Variants in CADM3 observed in about 807,000 individuals in gnomAD.
CADM3 encodes cell adhesion molecule 3, also known as TSLC1-like 1.
CADM3 carries 11 observed loss-of-function variants against 44.9 expected under a neutral mutation model. The observed-to-expected ratio is 0.25, with a 90% confidence interval of 0.15 to 0.41. The LOEUF (loss-of-function observed/expected upper bound fraction) is 0.41. CADM3 is among the 10% of genes least tolerant of loss of function. CADM3 has a pLI of 1.00. For synonymous variants in CADM3, 207 were observed against 205.2 expected (o/e 1.01, Z -0.08); for missense variants, 426 against 512.0 (o/e 0.83, Z 1.62).
At chr1:159,173,013 C>T (rs1648878727) in intron 1 of CADM3, among the ~76,000 whole-genome samples, 1 of 151,958 alleles carries the variant, frequency 6.6e-6, no homozygotes, top group Non-Finnish European at 1.5e-5. Context: ...CCCCCCACCG[C>T]CCTGTCGGAA....
intron 1 of CADM3, 144 bp downstream of exon 1, chr1:159,171,997 T>A (rs1398773883): frequency 2.2e-6 from 1 of 446,198 alleles, no homozygotes; most frequent in African/African-American, 2.0e-5. Context: ...CCCTTGTGTC[T>A]GTCTCTGAGC....
chr1:159,187,412 C>T (rs1171737895), intron 1 of CADM3, among the ~76,000 whole-genome samples: 1 of 152,180 alleles, frequency 6.6e-6, no homozygotes, highest in Non-Finnish European at 1.5e-5. Context: ...CCCAAAGCAC[C>T]ATCAGAGGCA....
At chr1:159,177,626 C>T (rs1649075307) in intron 1 of CADM3, among the ~76,000 whole-genome samples, 1 of 152,116 alleles carries the variant, frequency 6.6e-6, no homozygotes, top group Admixed American at 6.5e-5. Context: ...TGGTTATGCT[C>T]CCCGACCTGT....
intron 8 of CADM3, among the ~76,000 whole-genome samples, chr1:159,200,374 A>C (rs1315446105): frequency 6.6e-6 from 1 of 151,984 alleles, no homozygotes; most frequent in Non-Finnish European, 1.5e-5. Flanking sequence ...CTCTGCTATT[A>C]ATTCTAGCCA....
intron 1 of CADM3, among the ~76,000 whole-genome samples, chr1:159,175,526 C>T (rs1348765223): frequency 2.6e-5 from 4 of 152,200 alleles, no homozygotes; most frequent in Non-Finnish European, 5.9e-5. Flanking sequence ...ATGAGGAAAA[C>T]ATATCAAAGG....
At position 159,193,968 on chromosome 1, in the gene CADM3, A is replaced by G. The variant is rs1649786188; in HGVS notation, c.619A>G (p.Ile207Val). ...TACCCGGGAGGATGATGGGGCGAGC[A>G]TCGTGTGCTCTGTGAACCATGAATC... ...QVTREDDGASIVCSVNHESLK... is the reference protein window; with the variant it reads ...QVTREDDGASVVCSVNHESLK... Residue 207 changes from isoleucine (I) to valine (V), a missense_variant, in exon 5 of 9, where the codon ATC (isoleucine) becomes GTC (valine). Physicochemically the swap from Ile to Val is conservative, Grantham distance 29. Coordinates refer to ENST00000368125, the MANE Select transcript of CADM3 (RefSeq NM_001127173.3). 9.3e-6 allele frequency: 15 copies of G among 1,614,194 alleles called. No individual in the cohort carries two copies. Among genetic ancestry groups the G allele is most frequent in the African/African-American group, 4.0e-5 (3 of 75,050 alleles).
intron 1 of CADM3, among the ~76,000 whole-genome samples, chr1:159,190,644 C>G (rs1226427174): frequency 1.3e-5 from 2 of 152,206 alleles, no homozygotes; most frequent in East Asian, 3.9e-4. Context: ...AGCATCAACT[C>G]CAGCACGCAC....
chr1:159,182,137 G>A (rs1649260347), intron 1 of CADM3, among the ~76,000 whole-genome samples: 1 of 151,818 alleles, frequency 6.6e-6, no homozygotes, highest in Non-Finnish European at 1.5e-5. Flanking sequence ...TAGCTCCAAA[G>A]GGCATGGCAG....
At chr1:159,182,669 T>C (rs893594802) in intron 1 of CADM3, among the ~76,000 whole-genome samples, 8 of 152,140 alleles carry the variant, frequency 5.3e-5, no homozygotes, top group Non-Finnish European at 7.4e-5. Flanking sequence ...ACTTGGACAA[T>C]AGAGAGTCAG....
intron 1 of CADM3, among the ~76,000 whole-genome samples, chr1:159,174,671 T>A (rs1648952994): frequency 6.6e-6 from 1 of 152,226 alleles, no homozygotes; most frequent in Non-Finnish European, 1.5e-5. Context: ...AGACTGGCCA[T>A]GAGTGTTGTG....
intron 1 of CADM3, 133 bp from the exon 2 acceptor site, chr1:159,191,802 AC>A: frequency 1.0e-6 from 1 of 986,494 alleles, no homozygotes; most frequent in Non-Finnish European, 1.5e-6. Flanking sequence ...CCCCCATGAA[AC>A]CTTACGGGTA....
At chr1:159,185,330 T>C (rs912386988) in intron 1 of CADM3, among the ~76,000 whole-genome samples, 2 of 152,192 alleles carry the variant, frequency 1.3e-5, no homozygotes, top group Non-Finnish European at 2.9e-5. Context: ...TTGTAAATAT[T>C]GTTTAGGTGA....
At position 159,201,613 on chromosome 1, in the gene CADM3, C is replaced by G. The variant is rs545768861; in HGVS notation, c.*691C>G. 3 of 152,278 alleles carry G rather than the reference C, an allele frequency of 2.0e-5. No homozygotes were observed. The highest frequency in any genetic ancestry group is 2.0e-4 in the Admixed American group (3 of 15,288). 9.4% of individuals were successfully genotyped at this position (152,278 alleles called of 1,614,324 possible). ...ACCCAGGACTGTAACCTGGGGAGGA[C>G]GCGGGTCCCTGCAAGGAAGAGTAGA... On this transcript the variant is annotated 3_prime_UTR_variant, in exon 9 of 9. Coordinates refer to ENST00000368125, the MANE Select transcript of CADM3 (RefSeq NM_001127173.3).
At chr1:159,198,868 A>T (rs1433338431) in intron 7 of CADM3, among the ~76,000 whole-genome samples, 1 of 152,168 alleles carries the variant, frequency 6.6e-6, no homozygotes, top group East Asian at 1.9e-4. Context: ...CTAGGTTGCC[A>T]TGGAGGACAG....
intron 1 of CADM3, among the ~76,000 whole-genome samples, chr1:159,176,886 TAACA>T (rs148253096): frequency 0.013 from 2,019 of 152,286 alleles, 47 homozygotes; most frequent in African/African-American, 0.046. Flanking sequence ...ATTCCTCAAC[TAACA>T]GAGAAACTTC....
chr1:159,201,199 A>G lies in CADM3; in HGVS notation c.*277A>G. 5.0e-6 allele frequency: 1 copy of G among 201,194 alleles called. No individual in the cohort carries two copies. The highest frequency in any genetic ancestry group is 1.6e-4 in the South Asian group (1 of 6,156). The allele number at this position is 201,194 out of a possible 1,614,324, so 12.5% of individuals were successfully genotyped here. ...TTATTTTTGTAACAATCCCAAATCA[A>G]ATCTGTCTCCAGGCTGGAGAGGCAG... On this transcript the variant is annotated 3_prime_UTR_variant, in exon 9 of 9. Transcript: ENST00000368125.
In CADM3 at chr1:159,202,087, A is replaced by ATG. The variant is rs5778112; in HGVS notation, c.*1182_*1183dup. 0.01 allele frequency: 1,539 copies of ATG among 151,248 alleles called. 22 individuals carry two copies. Among genetic ancestry groups the ATG allele is most frequent in the Non-Finnish European group, 0.013 (859 of 67,596 alleles). The allele number at this position is 151,248 out of a possible 1,614,324, so 9.4% of individuals were successfully genotyped here. A position where few individuals can be genotyped will look rare whatever the true frequency, so the allele number is the denominator to read the frequency against. ...GTGTGTGGTGTGTATGCATGTGTGCATGTGTGTGTGTGTGTGTGCATGTGT... is the reference window on the plus strand; with the variant it reads ...GTGTGTGGTGTGTATGCATGTGTGCATGTGTGTGTGTGTGTGTGTGCATGTGT... On this transcript the variant is annotated 3_prime_UTR_variant, in exon 9 of 9. Transcript: ENST00000368125.
rs1386457904 is a variant in CADM3, at chr1:159,196,667, A to G, written c.782+213A>G. The stretch of plus-strand genomic sequence containing the variant: ...CTAACTCAGTCCCTGAGTTTCCCAC[A>G]AAGGCCAAGTTAAAGTAAGATACAA... On this transcript the variant is annotated intron_variant, in intron 6 of 8. Coordinates refer to ENST00000368125, the MANE Select transcript of CADM3 (RefSeq NM_001127173.3). 1.1e-5 allele frequency: 7 copies of G among 637,786 alleles called. No homozygotes were observed. In the African/African-American group the frequency reaches 1.3e-4, roughly 12 times the overall value. 39.5% of individuals were successfully genotyped at this position (637,786 alleles called of 1,614,324 possible).
Position 159,196,951 on chromosome 1 carries a change from G to A in CADM3, c.843G>A (p.Glu281=). 6.2e-7 allele frequency: 1 copy of A among 1,614,084 alleles called. No individual in the cohort carries two copies. Among genetic ancestry groups the A allele is most frequent in the African/African-American group, 1.3e-5 (1 of 75,000 alleles). The change falls in exon 7 of 9, where the codon GAG becomes GAA. Residue 281 remains glutamate, a synonymous_variant. Coordinates refer to ENST00000368125, the MANE Select transcript of CADM3 (RefSeq NM_001127173.3). ...TGCCACCCCTGAAGATGACCCAGGA[G>A]AGTGCCCTGATCTTCCCTTTCCTCA... ...GSVPPLKMTQ[E]SALIFPFLNK...
Sources: gnomAD v4.1 joint callset for allele counts (sites outside exome capture counted in the v4.1 genomes callset) on GRCh38, gnomAD v4.1.1 for gene constraint, MANE v1.5 for transcripts, NCBI Gene and HGNC (gene_info 2026-07-23, HGNC 2026-07-21) for gene names.